The following ASTN2 variants were observed in gnomAD, a reference collection of about 807,000 sequenced individuals.
ASTN2 encodes the protein astrotactin 2, also known as astrotactin-2.
In ASTN2, 54 loss-of-function variants were observed where a neutral mutation model predicts 139.8. The ratio of observed to expected loss-of-function variants is 0.39; its 90% CI spans 0.31 to 0.48. ASTN2 has a LOEUF of 0.48. Ranked by LOEUF, ASTN2 falls within the 20% of genes least tolerant of loss-of-function variation. The pLI is 0.95. For missense variants in ASTN2, 1,565 were observed against 1,725.1 expected (o/e 0.91, Z 1.64); for synonymous variants, 756 against 719.5 (o/e 1.05, Z -0.81).
At chr9:117,002,204 G>A (rs1332573397) in intron 7 of ASTN2, among the ~76,000 whole-genome samples, 6 of 152,176 alleles carry the variant, frequency 3.9e-5, no homozygotes, top group Admixed American at 1.3e-4. Context: ...TCTAGCAGGG[G>A]AGATAAACTT....
In ASTN2 at chr9:116,789,229, G is replaced by C. The variant is rs960299219; in HGVS notation, c.2396+16403C>G. Among the ~76,000 whole-genome samples, 154 of 152,162 alleles carry C rather than the reference G, an allele frequency of 1.0e-3. 14 individuals are homozygous for C. Among genetic ancestry groups the C allele is most frequent in the African/African-American group, 7.2e-5 (3 of 41,436 alleles). On this transcript the variant is annotated intron_variant, in intron 13 of 22. Transcript: ENST00000313400. The stretch of plus-strand genomic sequence containing the variant: ...CACTAGAAAGCATCAAAAAGAAAGG[G>C]AAGCAGCCTCAAGGTCACTGGGAAC...
intron 4 of ASTN2, among the ~76,000 whole-genome samples, chr9:117,103,966 A>G (rs920353726): frequency 1.4e-5 from 2 of 142,836 alleles, no homozygotes; most frequent in Non-Finnish European, 3.1e-5. Flanking sequence ...GCTACCTGCC[A>G]TCAGGCACCT....
At chr9:117,287,881 A>G (rs1178371536) in intron 2 of ASTN2, among the ~76,000 whole-genome samples, 1 of 151,628 alleles carries the variant, frequency 6.6e-6, no homozygotes, top group Non-Finnish European at 1.5e-5. Flanking sequence ...TCTTTTCTCC[A>G]CTCTTTTCAA....
intron 13 of ASTN2, among the ~76,000 whole-genome samples, chr9:116,795,139 G>A (rs894002897): frequency 1.5e-4 from 23 of 152,100 alleles, no homozygotes; most frequent in African/African-American, 5.3e-4. Context: ...ACCACACCCA[G>A]CTCATTTTTT....
intron 20 of ASTN2, among the ~76,000 whole-genome samples, chr9:116,474,326 T>C (rs1165046066): frequency 6.6e-6 from 1 of 152,222 alleles, no homozygotes; most frequent in Admixed American, 6.5e-5. Context: ...GCTTTAGTTT[T>C]TCCCATAAAG....
intron 10 of ASTN2, among the ~76,000 whole-genome samples, chr9:116,911,095 G>A (rs1198858724): frequency 6.6e-6 from 1 of 152,308 alleles, no homozygotes; most frequent in East Asian, 1.9e-4. Context: ...AAAGCAACCT[G>A]ATGGCCTCCA....
chr9:116,565,813 C>T (rs1056812587), intron 19 of ASTN2, among the ~76,000 whole-genome samples: 3 of 152,048 alleles, frequency 2.0e-5, no homozygotes, highest in African/African-American at 7.2e-5. Flanking sequence ...TAAATGTTGG[C>T]TCCAATCCAA....
In ASTN2 at chr9:117,120,018, G is replaced by GTGTGTGTGTATATATA. The variant is rs1306397698; in HGVS notation, c.1168+21307_1168+21308insTATATATACACACACA. On this transcript the variant is annotated intron_variant, in intron 4 of 22. Coordinates refer to ENST00000313400, the MANE Select transcript of ASTN2 (RefSeq NM_001365068.1). The stretch of plus-strand genomic sequence containing the variant: ...TGTGTGTGTGTGTGTGTGTGTGTGT[G>GTGTGTGTGTATATATA]TATATATATATATATATATATATAT... Among the ~76,000 whole-genome samples, 102 of 45,972 alleles carry GTGTGTGTGTATATATA rather than the reference G, an allele frequency of 2.2e-3. 1 individual carries two copies. The highest frequency in any genetic ancestry group is 4.6e-3 in the East Asian group (4 of 868). The allele number at this position is 45,972 out of a possible 152,430, so 30.2% of individuals were successfully genotyped here.
chr9:116,565,243 CACACACACACACACAT>C (rs1166484061), intron 19 of ASTN2, among the ~76,000 whole-genome samples: 11 of 121,908 alleles, frequency 9.0e-5, no homozygotes, highest in African/African-American at 1.1e-4. Flanking sequence ...CACACACACA[CACACACACACACACAT>C]ATGCCCCATA....
At chr9:117,398,359 A>G (rs750640958) in intron 1 of ASTN2, among the ~76,000 whole-genome samples, 3 of 152,218 alleles carry the variant, frequency 2.0e-5, no homozygotes, top group Non-Finnish European at 4.4e-5. Context: ...ACATAGTGCC[A>G]TCCTTCTAAA....
chr9:116,567,711 G>A (rs138847004), intron 19 of ASTN2, among the ~76,000 whole-genome samples: 4 of 152,226 alleles, frequency 2.6e-5, no homozygotes, highest in East Asian at 3.9e-4. Flanking sequence ...ACTATTTCAC[G>A]AAGAAGATGA....
chr9:116,439,232 G>A (rs1408847506), intron 22 of ASTN2, among the ~76,000 whole-genome samples: 5 of 70,512 alleles, frequency 7.1e-5, no homozygotes, highest in Non-Finnish European at 9.4e-5. Context: ...ACGGAGTCTC[G>A]CTCTGTCGCC....
chr9:116,432,713 T>TGTGGTC (rs1211332521), intron 22 of ASTN2, among the ~76,000 whole-genome samples: 1 of 152,114 alleles, frequency 6.6e-6, no homozygotes, highest in African/African-American at 2.4e-5. Context: ...GCGGATCACT[T>TGTGGTC]GTGGTCGGGA....
At chr9:116,972,391 G>A (rs1220827435) in intron 10 of ASTN2, among the ~76,000 whole-genome samples, 1 of 151,992 alleles carries the variant, frequency 6.6e-6, no homozygotes, top group Non-Finnish European at 1.5e-5. Flanking sequence ...TTTCGCTGAT[G>A]GGTATTTGTA....
intron 16 of ASTN2, among the ~76,000 whole-genome samples, chr9:116,665,919 G>A (rs1482228991): frequency 6.6e-6 from 1 of 152,128 alleles, no homozygotes; most frequent in African/African-American, 2.4e-5. Context: ...AGACTGCTAG[G>A]AGACAAACAT....
chr9:117,174,434 T>C lies in ASTN2; in HGVS notation c.1016-32956A>G, dbSNP rs184655879. The stretch of plus-strand genomic sequence containing the variant: ...TAGTCAGAAATTACCATCTAACAAA[T>C]AGACAAACATCAAACAAATAGACTT... On this transcript the variant is annotated intron_variant, in intron 3 of 22. Coordinates refer to ENST00000313400, the MANE Select transcript of ASTN2 (RefSeq NM_001365068.1). 1.0e-3 allele frequency among the ~76,000 whole-genome samples: 159 copies of C among 151,984 alleles called. 2 individuals are homozygous for C. Among genetic ancestry groups the C allele is most frequent in the African/African-American group, 3.7e-3 (153 of 41,526 alleles).
intron 2 of ASTN2, among the ~76,000 whole-genome samples, chr9:117,276,690 T>G (rs924222026): frequency 6.6e-6 from 1 of 152,000 alleles, no homozygotes; most frequent in Non-Finnish European, 1.5e-5. Context: ...AAGGGAGGGC[T>G]GAGGGCACAG....
At chr9:117,327,824 A>G (rs1320843587) in intron 1 of ASTN2, among the ~76,000 whole-genome samples, 1 of 152,226 alleles carries the variant, frequency 6.6e-6, no homozygotes, top group Non-Finnish European at 1.5e-5. Flanking sequence ...AGTGATAAAT[A>G]AAGCAATCAT....
At chr9:117,228,506 C>A (rs1401778682) in intron 2 of ASTN2, among the ~76,000 whole-genome samples, 2 of 151,942 alleles carry the variant, frequency 1.3e-5, no homozygotes, top group Non-Finnish European at 2.9e-5. Context: ...CAAGAAAACC[C>A]CTGGAAAGTT....
Sources: gnomAD v4.1 joint callset for allele counts (sites outside exome capture counted in the v4.1 genomes callset) on GRCh38, gnomAD v4.1.1 for gene constraint, MANE v1.5 for transcripts, NCBI Gene and HGNC (gene_info 2026-07-23, HGNC 2026-07-21) for gene names.